NRP1: variants seen among roughly 807,000 people sequenced by gnomAD.
The protein encoded by NRP1 is neuropilin-1.
In NRP1, 35 loss-of-function variants were observed where a neutral mutation model predicts 106.7. The observed-to-expected ratio is 0.33, with a 90% confidence interval of 0.25 to 0.43. The LOEUF (loss-of-function observed/expected upper bound fraction) is 0.43. Ranked by LOEUF, NRP1 falls within the 20% of genes least tolerant of loss-of-function variation. NRP1 has a pLI of 1.00. For missense variants in NRP1, 1,024 were observed against 1,170.4 expected (o/e 0.87, Z 1.83); for synonymous variants, 437 against 417.9 (o/e 1.05, Z -0.56).
At chr10:33,295,797 G>T (rs1010108751) in intron 2 of NRP1, among the ~76,000 whole-genome samples, 3 of 152,152 alleles carry the variant, frequency 2.0e-5, no homozygotes, top group East Asian at 1.9e-4. Flanking sequence ...CAAATTAAAA[G>T]ATAAAAAGCA....
chr10:33,185,604 G>T (rs772554200), intron 15 of NRP1, 24 bp downstream of exon 15: 2 of 1,554,434 alleles, frequency 1.3e-6, no homozygotes, highest in South Asian at 1.1e-5. Flanking sequence ...CACTCCATTG[G>T]TTTCTACAGC....
At chr10:33,218,471 G>A (rs1217260708) in intron 8 of NRP1, among the ~76,000 whole-genome samples, 1 of 151,218 alleles carries the variant, frequency 6.6e-6, no homozygotes, top group South Asian at 2.1e-4. Context: ...TCAGCCTTCT[G>A]AGTAGCTGGG....
chr10:33,195,329 A>T (rs1480513770), intron 12 of NRP1: 1 of 355,806 alleles, frequency 2.8e-6, no homozygotes, highest in Admixed American at 3.7e-5. Context: ...AGCTCTCGCC[A>T]GAGAGAGCTA....
intron 2 of NRP1, among the ~76,000 whole-genome samples, chr10:33,282,268 G>A (rs1844197127): frequency 6.6e-6 from 1 of 152,076 alleles, no homozygotes; most frequent in Non-Finnish European, 1.5e-5. Context: ...GTATGGTGGA[G>A]GCACTAGGGT....
chr10:33,288,744 C>G (rs1373795047), intron 2 of NRP1: 1 of 152,188 alleles, frequency 6.6e-6, no homozygotes, highest in African/African-American at 2.4e-5. Context: ...AAAGCCCACC[C>G]AAGGTTCATT....
At chr10:33,295,287 C>T (rs1845309063) in intron 2 of NRP1, among the ~76,000 whole-genome samples, 1 of 152,194 alleles carries the variant, frequency 6.6e-6, no homozygotes, top group Admixed American at 6.5e-5. Context: ...TAACATGGAT[C>T]TGAACTCGAA....
intron 2 of NRP1, among the ~76,000 whole-genome samples, chr10:33,298,557 TCTC>T (rs1456303192): frequency 6.6e-6 from 1 of 152,014 alleles, no homozygotes; most frequent in Non-Finnish European, 1.5e-5. Flanking sequence ...ACTCCGCAAA[TCTC>T]CTCCTTGCTG....
At position 33,185,610 on chromosome 10, in the gene NRP1, A is replaced by G; in HGVS notation, c.2431+18T>C. The G allele has an allele frequency of 6.3e-7, 1 of 1,574,874 alleles. No homozygotes were observed. The highest frequency in any genetic ancestry group is 1.1e-5 in the South Asian group (1 of 90,158). On this transcript the variant is annotated intron_variant, in intron 15 of 16. Coordinates refer to ENST00000374867, the MANE Select transcript of NRP1 (RefSeq NM_003873.7). ...CTGGGCAAGCACTCCATTGGTTTCT[A>G]CAGCAGCTCATACTTACTTGCACAA...
chr10:33,305,060 A>C (rs1266263062), intron 2 of NRP1, among the ~76,000 whole-genome samples: 3 of 152,260 alleles, frequency 2.0e-5, no homozygotes, highest in Non-Finnish European at 4.4e-5. Flanking sequence ...GTGGTAGTAC[A>C]ATAAACTACT....
At chr10:33,244,281 T>G (rs1171778181) in intron 6 of NRP1, among the ~76,000 whole-genome samples, 1 of 152,174 alleles carries the variant, frequency 6.6e-6, no homozygotes, top group Non-Finnish European at 1.5e-5. Flanking sequence ...TAGGAGTTGG[T>G]GTGTTACCTC....
chr10:33,294,436 G>T (rs1845230719), intron 2 of NRP1, among the ~76,000 whole-genome samples: 1 of 151,926 alleles, frequency 6.6e-6, no homozygotes, highest in South Asian at 2.1e-4. Flanking sequence ...TGACCAACAT[G>T]GAGAAACCTC....
intron 2 of NRP1, among the ~76,000 whole-genome samples, chr10:33,277,298 C>A (rs931204408): frequency 2.0e-5 from 3 of 152,174 alleles, no homozygotes; most frequent in Non-Finnish European, 4.4e-5. Context: ...GGCTTCCTGC[C>A]AGAGCTGTCC....
chr10:33,274,243 C>G (rs568613854), intron 2 of NRP1, among the ~76,000 whole-genome samples: 4 of 152,136 alleles, frequency 2.6e-5, no homozygotes, highest in Non-Finnish European at 4.4e-5. Context: ...TTAGAATCCA[C>G]GCTCCTCAAG....
At chr10:33,233,882 T>G (rs1466549526) in intron 6 of NRP1, among the ~76,000 whole-genome samples, 1 of 152,232 alleles carries the variant, frequency 6.6e-6, no homozygotes, top group Non-Finnish European at 1.5e-5. Context: ...TTTCCTTAGA[T>G]AAAACACATG....
intron 3 of NRP1, among the ~76,000 whole-genome samples, chr10:33,265,983 C>G (rs1842892186): frequency 6.6e-6 from 1 of 152,042 alleles, no homozygotes; most frequent in Non-Finnish European, 1.5e-5. Flanking sequence ...GATTTTATAT[C>G]CACAGTGTAG....
At position 33,180,022 on chromosome 10, in the gene NRP1, C is replaced by T. The variant is rs1227279333; in HGVS notation, c.*54G>A. 3 of 1,559,406 alleles carry T rather than the reference C, an allele frequency of 1.9e-6. No individual in the cohort carries two copies. In the Admixed American group the frequency reaches 5.1e-5, roughly 27 times the overall value. Reference sequence around the variant, plus strand: ...GTGAAAGATCAACAGCTCCCCAGCTCACTCCCGTCCTTCCACTTCCGTCCT... The same window carrying T: ...GTGAAAGATCAACAGCTCCCCAGCTTACTCCCGTCCTTCCACTTCCGTCCT... On this transcript the variant is annotated 3_prime_UTR_variant, in exon 17 of 17. Transcript: ENST00000374867.
chr10:33,302,003 GAA>G (rs1229886692), intron 2 of NRP1, among the ~76,000 whole-genome samples: 1 of 151,944 alleles, frequency 6.6e-6, no homozygotes, highest in Non-Finnish European at 1.5e-5. Flanking sequence ...TAAAAAGAAA[GAA>G]AAAGAGAGCA....
chr10:33,185,798 G>A (rs1334654317), intron 14 of NRP1, 74 bp from the exon 15 acceptor site: 1 of 1,271,122 alleles, frequency 7.9e-7, no homozygotes, highest in Admixed American at 1.7e-5. Flanking sequence ...TGCTTGTTCA[G>A]CTCCAGCTAC....
chr10:33,245,853 C>G (rs529832674), intron 6 of NRP1, among the ~76,000 whole-genome samples: 3 of 152,166 alleles, frequency 2.0e-5, no homozygotes, highest in Non-Finnish European at 4.4e-5. Flanking sequence ...ACACTGGCAT[C>G]AAACAGTAAG....
Sources: gnomAD v4.1 joint callset for allele counts (sites outside exome capture counted in the v4.1 genomes callset) on GRCh38, gnomAD v4.1.1 for gene constraint, MANE v1.5 for transcripts, NCBI Gene and HGNC (gene_info 2026-07-23, HGNC 2026-07-21) for gene names.